FBN1: variants seen among roughly 807,000 people sequenced by gnomAD.
The protein encoded by FBN1 is fibrillin 1.
FBN1 carries 29 observed loss-of-function variants against 365.1 expected under a neutral mutation model. That is an observed-to-expected ratio of 0.08 (90% CI 0.06 to 0.11). FBN1 has a LOEUF of 0.11. Ranked by LOEUF, FBN1 falls within the 10% of genes least tolerant of loss-of-function variation. FBN1 has a pLI of 1.00. For synonymous variants in FBN1, 1,210 were observed against 1,270.5 expected (o/e 0.95, Z 1.01); for missense variants, 2,476 against 3,703.2 (o/e 0.67, Z 8.60).
chr15:48,532,797 T>C (rs1012308830), intron 8 of FBN1, among the ~76,000 whole-genome samples: 8 of 152,210 alleles, frequency 5.3e-5, no homozygotes, highest in Admixed American at 5.2e-4. Context: ...TACATTGGCC[T>C]ATCAAGAGTC....
At position 48,526,262 on chromosome 15, in the gene FBN1, T is replaced by C. The variant is rs771131700; in HGVS notation, c.863-7A>G. On this transcript the variant is annotated splice_region_variant and splice_polypyrimidine_tract_variant and intron_variant, in intron 8 of 65. Transcript: ENST00000316623. ...GTGCTGCATTCATCAATATCTGGAA[T>C]ATAAAAAAAAGAATCTCAGCATTTG... 8 of 1,613,772 alleles carry C rather than the reference T, an allele frequency of 5.0e-6. No homozygotes were observed. The highest frequency in any genetic ancestry group is 6.8e-6 in the Non-Finnish European group (8 of 1,179,894).
chr15:48,456,785 T>C (rs764703719), intron 43 of FBN1, 23 bp from the exon 44 acceptor site: 3 of 1,610,286 alleles, frequency 1.9e-6, no homozygotes, highest in African/African-American at 1.3e-5. Flanking sequence ...TAGTCATTCA[T>C]GAGTGACAGG....
At chr15:48,464,443 C>G (rs1244550529) in intron 40 of FBN1, among the ~76,000 whole-genome samples, 1 of 152,058 alleles carries the variant, frequency 6.6e-6, no homozygotes, top group Non-Finnish European at 1.5e-5. Context: ...TTGAACTCTA[C>G]ATGCAGAGGT....
Position 48,510,025 on chromosome 15 carries a change from A to G in FBN1, c.1714+19T>C. On this transcript the variant is annotated intron_variant, in intron 14 of 65. Transcript: ENST00000316623. ...ACTGCAATGGAAGGAGAGGACTAACATTAGTATACTATTATTACCTTCACA... is the reference window on the plus strand; with the variant it reads ...ACTGCAATGGAAGGAGAGGACTAACGTTAGTATACTATTATTACCTTCACA... The G allele has an allele frequency of 6.2e-7, 1 of 1,612,578 alleles. No individual in the cohort carries two copies. The highest frequency in any genetic ancestry group is 1.7e-5 in the Admixed American group (1 of 59,958).
chr15:48,589,468 A>G (rs2044460131), intron 6 of FBN1, among the ~76,000 whole-genome samples: 2 of 152,282 alleles, frequency 1.3e-5, no homozygotes, highest in East Asian at 3.9e-4. Flanking sequence ...GTGTGTGTCA[A>G]AAGATGCAAT....
intron 17 of FBN1, among the ~76,000 whole-genome samples, chr15:48,500,585 A>G (rs1440285340): frequency 6.6e-6 from 1 of 152,236 alleles, no homozygotes. Flanking sequence ...AAAATAAGTA[A>G]ATAAAAGTAT....
intron 6 of FBN1, among the ~76,000 whole-genome samples, chr15:48,556,475 C>T (rs1766096408): frequency 6.6e-6 from 1 of 152,196 alleles, no homozygotes; most frequent in Non-Finnish European, 1.5e-5. Flanking sequence ...GGGTTAAATT[C>T]CCCTTGAAAT....
intron 7 of FBN1, 31 bp downstream of exon 7, chr15:48,537,580 T>G (rs767243454): frequency 1.2e-6 from 2 of 1,612,550 alleles, no homozygotes; most frequent in Non-Finnish European, 1.7e-6. Context: ...ATAAGATTAA[T>G]CCATTAATAA....
intron 6 of FBN1, among the ~76,000 whole-genome samples, chr15:48,585,849 T>C (rs1275231236): frequency 6.6e-6 from 1 of 152,228 alleles, no homozygotes; most frequent in African/African-American, 2.4e-5. Context: ...AATACCTATA[T>C]AATTATTTCA....
chr15:48,621,951 T>C (rs552008350), intron 2 of FBN1, among the ~76,000 whole-genome samples: 3 of 151,912 alleles, frequency 2.0e-5, no homozygotes, highest in Admixed American at 1.3e-4. Flanking sequence ...TGAGCCGAGA[T>C]TGTGCCACTG....
At chr15:48,638,579 A>G (rs1379136560) in intron 2 of FBN1, among the ~76,000 whole-genome samples, 1 of 148,326 alleles carries the variant, frequency 6.7e-6, no homozygotes, top group African/African-American at 2.5e-5. Context: ...TAAAGGAATT[A>G]GTATTTGCAA....
chr15:48,472,197 C>T (rs1438833075), intron 35 of FBN1, among the ~76,000 whole-genome samples: 1 of 152,220 alleles, frequency 6.6e-6, no homozygotes, highest in Non-Finnish European at 1.5e-5. Context: ...GCACTTTCAG[C>T]TCTTTTCTCC....
Position 48,587,533 on chromosome 15 carries a change from A to G in FBN1, c.538+8750T>C, listed in dbSNP as rs577686499. 7.2e-5 allele frequency among the ~76,000 whole-genome samples: 11 copies of G among 152,298 alleles called. No homozygotes were observed. The South Asian group carries it at 2.1e-3, about 29-fold the overall frequency. ...TCTCCCACAGAAGGGCTCCAGTACC[A>G]TGAAAGCTGACACAGCAGGGTCCTC... On this transcript the variant is annotated intron_variant, in intron 6 of 65. Transcript: ENST00000316623.
intron 15 of FBN1, among the ~76,000 whole-genome samples, chr15:48,507,146 A>G (rs1306568527): frequency 1.3e-5 from 2 of 152,172 alleles, no homozygotes; most frequent in African/African-American, 4.8e-5. Context: ...AGGAGCCTAG[A>G]GGCATGAAGA....
chr15:48,585,384 A>G (rs1273809385), intron 6 of FBN1, among the ~76,000 whole-genome samples: 1 of 152,246 alleles, frequency 6.6e-6, no homozygotes, highest in East Asian at 1.9e-4. Flanking sequence ...CCGAGGGAAT[A>G]TGGCAGGAAA....
intron 40 of FBN1, 38 bp from the exon 41 acceptor site, chr15:48,464,059 A>G: frequency 6.2e-7 from 1 of 1,607,392 alleles, no homozygotes; most frequent in Non-Finnish European, 8.5e-7. Flanking sequence ...GAATATGAAA[A>G]CTTCACATTT....
intron 7 of FBN1, 108 bp downstream of exon 7, chr15:48,537,503 A>C (rs557644823): frequency 1.5e-6 from 2 of 1,372,930 alleles, no homozygotes; most frequent in Admixed American, 1.9e-5. Context: ...CGAAATTGTG[A>C]AGTTATGTAG....
At chr15:48,569,335 A>G (rs1263838994) in intron 6 of FBN1, among the ~76,000 whole-genome samples, 1 of 152,156 alleles carries the variant, frequency 6.6e-6, no homozygotes, top group Non-Finnish European at 1.5e-5. Context: ...TTGTGAGAAT[A>G]TGGAGAAACT....
rs886051250 is a variant in FBN1, at chr15:48,516,317, C to T, written c.1193G>A (p.Arg398Lys). 7 of 1,613,806 alleles carry T rather than the reference C, an allele frequency of 4.3e-6. No individual in the cohort carries two copies. The highest frequency in any genetic ancestry group is 5.9e-6 in the Non-Finnish European group (7 of 1,179,908). The change falls in exon 11 of 66, where the codon AGA becomes AAA. Residue 398 changes from arginine to lysine, a missense_variant. Coordinates refer to ENST00000316623, the MANE Select transcript of FBN1 (RefSeq NM_000138.5). ...LCSVPMVIPG[R>K]PEYPPPPLGP... is the part of the protein sequence containing the mutation. ...AAGGGGTGGGGGAGGATATTCTGGT[C>T]TCCCAGGAATTACCATAGGAACAGA...
Sources: gnomAD v4.1 joint callset for allele counts (sites outside exome capture counted in the v4.1 genomes callset) on GRCh38, gnomAD v4.1.1 for gene constraint, MANE v1.5 for transcripts, NCBI Gene and HGNC (gene_info 2026-07-23, HGNC 2026-07-21) for gene names.